PEMT: variants seen among roughly 807,000 people sequenced by gnomAD.
PEMT encodes phosphatidylethanolamine N-methyltransferase, also known as phospholipid methyltransferase.
Under a neutral mutation model 27.4 loss-of-function variants are expected in PEMT, and 23 were observed. The observed-to-expected ratio is 0.84, with a 90% CI of 0.60 to 1.19. The LOEUF is 1.19. PEMT is among the 50% of genes most tolerant of loss of function. The pLI is 0.00. For synonymous variants in PEMT, 137 were observed against 139.1 expected (o/e 0.98, Z 0.11); for missense variants, 307 against 310.1 (o/e 0.99, Z 0.07).
At chr17:17,569,564 C>G (rs890775673) in intron 2 of PEMT, among the ~76,000 whole-genome samples, 1 of 152,196 alleles carries the variant, frequency 6.6e-6, no homozygotes, top group Non-Finnish European at 1.5e-5. Context: ...CGGCGTGACC[C>G]CGTGTGCATC....
rs1436019166 is a variant in PEMT, at chr17:17,506,297, C to T, written c.583G>A (p.Ala195Thr). ...ANYLGWAIMH[A>T]SPTGLLLTVL... ...GTCAGGAGCAGGCCCGTGGGGCTGGCGTGCCTGAAAGGACAGAGGCAGGTC... is the reference window on the plus strand; with the variant it reads ...GTCAGGAGCAGGCCCGTGGGGCTGGTGTGCCTGAAAGGACAGAGGCAGGTC... The change falls in exon 6 of 7, where the codon GCC (alanine) becomes ACC (threonine). Residue 195 changes from alanine (A) to threonine (T), a missense_variant. Coordinates refer to ENST00000255389, the MANE Select transcript of PEMT (RefSeq NM_148172.3). 7.0e-6 allele frequency: 11 copies of T among 1,575,266 alleles called. No individual in the cohort carries two copies. The highest frequency in any genetic ancestry group is 2.3e-5 in the South Asian group (2 of 86,052).
At chr17:17,590,216 T>C (rs764794033) in intron 1 of PEMT, among the ~76,000 whole-genome samples, 7 of 152,238 alleles carry the variant, frequency 4.6e-5, no homozygotes, top group Non-Finnish European at 5.9e-5. Context: ...CTGCATGTTG[T>C]AATTCAATGG....
intron 2 of PEMT, among the ~76,000 whole-genome samples, chr17:17,576,606 CCAGGCA>C (rs1376575046): frequency 2.6e-5 from 4 of 152,220 alleles, no homozygotes; most frequent in African/African-American, 9.7e-5. Flanking sequence ...CACCAGACTG[CCAGGCA>C]CATGTGACCA....
At chr17:17,542,434 T>C (rs1908957520) in intron 2 of PEMT, among the ~76,000 whole-genome samples, 1 of 152,118 alleles carries the variant, frequency 6.6e-6, no homozygotes, top group African/African-American at 2.4e-5. Context: ...AGATGAGCCT[T>C]CTCCATATCC....
At chr17:17,591,236 C>A (rs1313512686) in intron 1 of PEMT, among the ~76,000 whole-genome samples, 1 of 152,168 alleles carries the variant, frequency 6.6e-6, no homozygotes, top group African/African-American at 2.4e-5. Flanking sequence ...ACACGGACAA[C>A]CTCTGAGTCT....
At chr17:17,554,504 G>C (rs1909907261) in intron 2 of PEMT, among the ~76,000 whole-genome samples, 1 of 152,266 alleles carries the variant, frequency 6.6e-6, no homozygotes, top group Non-Finnish European at 1.5e-5. Flanking sequence ...TTTTAAGCCA[G>C]CAAACGTGAG....
intron 2 of PEMT, among the ~76,000 whole-genome samples, chr17:17,525,313 G>C (rs926154140): frequency 1.3e-5 from 2 of 152,182 alleles, no homozygotes; most frequent in African/African-American, 4.8e-5. Flanking sequence ...GAAAGAAAAA[G>C]AGGAAACCAC....
At chr17:17,568,830 T>TCTC (rs966822489) in intron 2 of PEMT, among the ~76,000 whole-genome samples, 2 of 151,786 alleles carry the variant, frequency 1.3e-5, no homozygotes, top group South Asian at 2.1e-4. Flanking sequence ...TTTTCTTCCT[T>TCTC]CTCCTCCTCC....
intron 2 of PEMT, 55 bp from the exon 3 acceptor site, chr17:17,522,450 G>T: frequency 4.6e-6 from 5 of 1,077,482 alleles, no homozygotes; most frequent in Non-Finnish European, 4.3e-6. Context: ...ACTCCAGGGT[G>T]GGGGTGGGGA....
intron 2 of PEMT, among the ~76,000 whole-genome samples, chr17:17,565,983 C>T (rs933203447): frequency 6.6e-6 from 1 of 152,206 alleles, no homozygotes; most frequent in Non-Finnish European, 1.5e-5. Context: ...ACACCCATTC[C>T]CTCCTGAAGG....
chr17:17,538,865 G>A (rs1032209782), intron 2 of PEMT, among the ~76,000 whole-genome samples: 2 of 152,160 alleles, frequency 1.3e-5, no homozygotes, highest in Non-Finnish European at 2.9e-5. Flanking sequence ...AATATTTGGC[G>A]AGTGGCAGAA....
intron 2 of PEMT, among the ~76,000 whole-genome samples, chr17:17,534,079 G>A (rs1220577462): frequency 6.6e-6 from 1 of 152,034 alleles, no homozygotes; most frequent in East Asian, 1.9e-4. Flanking sequence ...ACATGACCCA[G>A]CCATTCCACT....
upstream of PEMT, chr17:17,591,806 G>T: frequency 1.4e-6 from 2 of 1,419,990 alleles, no homozygotes; most frequent in Admixed American, 5.8e-5. Context: ...TTATCTGGGG[G>T]CTCGCGACAG....
intron 2 of PEMT, among the ~76,000 whole-genome samples, chr17:17,545,159 G>C (rs1233256831): frequency 1.3e-5 from 2 of 152,220 alleles, no homozygotes; most frequent in South Asian, 4.1e-4. Flanking sequence ...GAATCATGGC[G>C]TGTTGAGCGG....
intron 2 of PEMT, among the ~76,000 whole-genome samples, chr17:17,566,991 G>A (rs142535013): frequency 7.9e-5 from 12 of 152,350 alleles, no homozygotes; most frequent in East Asian, 3.9e-4. Flanking sequence ...AGGGCCGCAC[G>A]CTGCCTTTCG....
At chr17:17,544,055 C>A (rs914954514) in intron 2 of PEMT, among the ~76,000 whole-genome samples, 1 of 152,028 alleles carries the variant, frequency 6.6e-6, no homozygotes, top group African/African-American at 2.4e-5. Context: ...GCTTAGAGGG[C>A]AGACGTGGTC....
At chr17:17,545,644 T>C (rs1909207539) in intron 2 of PEMT, among the ~76,000 whole-genome samples, 1 of 152,228 alleles carries the variant, frequency 6.6e-6, no homozygotes, top group Admixed American at 6.5e-5. Context: ...CATTCATTCA[T>C]GCCATTCCAG....
At chr17:17,529,227 C>T (rs550078267) in intron 2 of PEMT, among the ~76,000 whole-genome samples, 1 of 152,346 alleles carries the variant, frequency 6.6e-6, no homozygotes, top group Admixed American at 6.5e-5. Flanking sequence ...TGGATCACAC[C>T]TGCCCTTCCC....
At chr17:17,541,133 G>A (rs867652659) in intron 2 of PEMT, among the ~76,000 whole-genome samples, 4 of 152,334 alleles carry the variant, frequency 2.6e-5, no homozygotes, top group South Asian at 4.1e-4. Flanking sequence ...TGTTGCTGAC[G>A]TTAGCAGAAT....
Sources: allele counts gnomAD v4.1 joint callset (sites outside exome capture counted in the v4.1 genomes callset), GRCh38; gene constraint gnomAD v4.1.1; transcripts MANE v1.5; gene names NCBI Gene and HGNC (gene_info 2026-07-23, HGNC 2026-07-21).